Variants in SYF2 observed in about 807,000 individuals in gnomAD.
The protein encoded by SYF2 is pre-mRNA-splicing factor SYF2.
Under a neutral mutation model 32.7 loss-of-function variants are expected in SYF2, and 21 were observed. That is an observed-to-expected ratio of 0.64 (90% confidence interval 0.45 to 0.92). The LOEUF (loss-of-function observed/expected upper bound fraction) is 0.92, where lower values mean the gene tolerates loss of function less well. Among genes scored for constraint, SYF2 ranks in the 40% least tolerant of loss-of-function variants. The pLI is 0.00. For missense variants in SYF2, 278 were observed against 296.5 expected, an observed-to-expected ratio of 0.94 and a Z score of 0.46; for synonymous variants, 114 against 103.9, an observed-to-expected ratio of 1.10 and a Z score of -0.59.
rs762392310 is a variant in SYF2, at chr1:25,232,088, C to T, written c.132+16G>A. On this transcript the variant is annotated intron_variant, in intron 2 of 6. Transcript: ENST00000236273. ...GGCCAGATGACGGATCTAAGCCGGC[C>T]TCCAAGACTACTCACCCGCATCAGG... 7.4e-6 allele frequency: 12 copies of T among 1,611,800 alleles called. No individual in the cohort carries two copies. The highest frequency in any genetic ancestry group is 1.6e-4 in the Middle Eastern group (1 of 6,078).
In SYF2 at chr1:25,222,987, T is replaced by C. The variant is rs1042838727; in HGVS notation, c.*279A>G. 1 of 225,310 alleles carries C rather than the reference T, an allele frequency of 4.4e-6. No homozygotes were observed. The highest frequency in any genetic ancestry group is 8.8e-6 in the Non-Finnish European group (1 of 114,044). 14.0% of individuals were successfully genotyped at this position (225,310 alleles called of 1,614,324 possible). On this transcript the variant is annotated 3_prime_UTR_variant, in exon 7 of 7. Coordinates refer to ENST00000236273, the MANE Select transcript of SYF2 (RefSeq NM_015484.5). ...TTCAAAGATTAAACAGCCATATACA[T>C]TTAAAATACATAGAAAAATAATATA...
Position 25,225,017 on chromosome 1 carries a change from A to G in SYF2, c.551T>C (p.Ile184Thr). ...PSTEEIDRMV[I>T]DLEKQIEKRD... ...GAATACTTACTGTTTTTCCAGATCTATGACCATCCTGTCAATTTCCTCTGT... is the reference window on the plus strand; with the variant it reads ...GAATACTTACTGTTTTTCCAGATCTGTGACCATCCTGTCAATTTCCTCTGT... Residue 184 changes from isoleucine (I) to threonine (T), a missense_variant, in exon 6 of 7, where the codon ATA becomes ACA. Transcript: ENST00000236273. 1 of 1,613,488 alleles carries G rather than the reference A, an allele frequency of 6.2e-7. No individual in the cohort carries two copies.
At chr1:25,226,175 A>G (rs971096818) in intron 5 of SYF2, among the ~76,000 whole-genome samples, 21 of 151,998 alleles carry the variant, frequency 1.4e-4, no homozygotes, top group African/African-American at 4.3e-4. Flanking sequence ...AAAAATAAAA[A>G]ATAAAAAATT....
chr1:25,222,704 A>C lies in SYF2; in HGVS notation c.*562T>G, dbSNP rs1297521353. ...TTAGAAATTCTAATCCCAAGCATTT[A>C]TTGCTTTTTAAAAAGGGAACTGTAC... On this transcript the variant is annotated 3_prime_UTR_variant, in exon 7 of 7. Coordinates refer to ENST00000236273, the MANE Select transcript of SYF2 (RefSeq NM_015484.5). 1.3e-5 allele frequency: 2 copies of C among 152,230 alleles called. No homozygotes were observed. The highest frequency in any genetic ancestry group is 2.9e-5 in the Non-Finnish European group (2 of 68,048). The allele number at this position is 152,230 out of a possible 1,614,324, so 9.4% of individuals were successfully genotyped here. A position where few individuals can be genotyped will look rare whatever the true frequency, so the allele number is the denominator to read the frequency against.
At chr1:25,226,790 C>A (rs999064256) in intron 5 of SYF2, among the ~76,000 whole-genome samples, 4 of 151,860 alleles carry the variant, frequency 2.6e-5, no homozygotes, top group Non-Finnish European at 5.9e-5. Flanking sequence ...TTTGAGACAG[C>A]CTGAGCAACA....
chr1:25,226,982 TA>T (rs573395655), intron 5 of SYF2, among the ~76,000 whole-genome samples: 1,775 of 140,336 alleles, frequency 0.013, 14 homozygotes, highest in African/African-American at 0.028. Flanking sequence ...CACCGTCTCT[TA>T]AAAAAAAAAA....
rs1209307134 is a variant in SYF2 at position 25,232,455 on chromosome 1, C to T, written c.13G>A (p.Ala5Thr). The T allele has an allele frequency of 6.2e-7, 1 of 1,614,242 alleles. No individual in the cohort carries two copies. The highest frequency in any genetic ancestry group is 8.5e-7 in the Non-Finnish European group (1 of 1,180,048). The change falls in exon 1 of 7, where the codon GCT becomes ACT. Residue 5 changes from alanine to threonine, a missense_variant. By Grantham distance (58) the Ala-to-Thr change is moderately conservative. Coordinates refer to ENST00000236273, the MANE Select transcript of SYF2 (RefSeq NM_015484.5). MAAI[A>T]ASEVLVDSAE... is the part of the protein sequence containing the mutation. ...TGGGTGGAACTCACCTCGGATGCAGCTATAGCCGCCATCACAACCTTTCTC... is the reference window on the plus strand; with the variant it reads ...TGGGTGGAACTCACCTCGGATGCAGTTATAGCCGCCATCACAACCTTTCTC...
intron 2 of SYF2, 93 bp from the exon 3 acceptor site, chr1:25,229,216 T>C: frequency 6.9e-7 from 1 of 1,446,060 alleles, no homozygotes; most frequent in Non-Finnish European, 9.3e-7. Flanking sequence ...GCAGGACATA[T>C]TAATAAGCTG....
chr1:25,227,559 A>G (rs1414009141), intron 4 of SYF2, 27 bp from the exon 5 acceptor site: 3 of 1,599,986 alleles, frequency 1.9e-6, no homozygotes, highest in Non-Finnish European at 2.6e-6. Context: ...AGAATCAGCG[A>G]TAATATATTT....
At chr1:25,230,626 C>T (rs1176448726) in intron 2 of SYF2, 1 of 152,146 alleles carries the variant, frequency 6.6e-6, no homozygotes, top group Non-Finnish European at 1.5e-5. Context: ...CAAGAACATA[C>T]CTACGGTCAA....
chr1:25,227,305 G>GA, intron 5 of SYF2, 137 bp downstream of exon 5: 2 of 746,672 alleles, frequency 2.7e-6, no homozygotes, highest in Non-Finnish European at 4.2e-6. Flanking sequence ...AAAATATCCA[G>GA]AAAAAACAGA....
chr1:25,227,017 T>C (rs529004522), intron 5 of SYF2, among the ~76,000 whole-genome samples: 51 of 150,620 alleles, frequency 3.4e-4, no homozygotes, highest in Middle Eastern at 7.0e-3. Flanking sequence ...GCGCAGTAGC[T>C]CACGCCTGTA....
intron 6 of SYF2, among the ~76,000 whole-genome samples, chr1:25,224,295 G>A (rs945130408): frequency 4.6e-5 from 7 of 151,212 alleles, no homozygotes; most frequent in African/African-American, 1.2e-4. Flanking sequence ...TCGCTCTGTC[G>A]CCCAAGCTGG....
At chr1:25,232,000 C>T in intron 2 of SYF2, 104 bp downstream of exon 2, 1 of 1,123,528 alleles carries the variant, frequency 8.9e-7, no homozygotes, top group Non-Finnish European at 1.3e-6. Flanking sequence ...TGATCCTGCT[C>T]TGTTGGTCTG....
chr1:25,225,193 CACAT>C, intron 5 of SYF2, 93 bp from the exon 6 acceptor site: 1 of 830,110 alleles, frequency 1.2e-6, no homozygotes, highest in East Asian at 2.5e-5. Flanking sequence ...AGAAAGTATA[CACAT>C]ACATTTACTG....
intron 2 of SYF2, 134 bp from the exon 3 acceptor site, chr1:25,229,257 C>T (rs918760577): frequency 1.4e-5 from 15 of 1,081,434 alleles, no homozygotes; most frequent in Non-Finnish European, 1.7e-5. Flanking sequence ...CAATAGAGAG[C>T]CATCACAGGA....
chr1:25,225,546 T>A (rs942141236), intron 5 of SYF2, among the ~76,000 whole-genome samples: 1 of 151,014 alleles, frequency 6.6e-6, no homozygotes. Flanking sequence ...AAATTTTTTT[T>A]AATTAAAAGA....
At chr1:25,228,565 C>A (rs1638563487) in intron 3 of SYF2, among the ~76,000 whole-genome samples, 1 of 152,176 alleles carries the variant, frequency 6.6e-6, no homozygotes, top group Non-Finnish European at 1.5e-5. Context: ...AAATTCCTGA[C>A]CTCAAATGAT....
At position 25,230,387 on chromosome 1, in the gene SYF2, G is replaced by A. The variant is rs527868742; in HGVS notation, c.133-1264C>T. On this transcript the variant is annotated intron_variant, in intron 2 of 6. Transcript: ENST00000236273. ...AGCAAAATGAGTGTATCGTCTTAAG[G>A]AAAACTTGAGTTAGACATTCCTTAG... 8.5e-5 allele frequency: 13 copies of A among 152,092 alleles called. 1 individual carries two copies. The South Asian group carries it at 2.7e-3, about 32-fold the overall frequency. 9.4% of individuals were successfully genotyped at this position (152,092 alleles called of 1,614,324 possible). A position where few individuals can be genotyped will look rare whatever the true frequency, so the allele number is the denominator to read the frequency against.
Sources: gnomAD v4.1 joint callset for allele counts (sites outside exome capture counted in the v4.1 genomes callset) on GRCh38, gnomAD v4.1.1 for gene constraint, MANE v1.5 for transcripts, NCBI Gene and HGNC (gene_info 2026-07-23, HGNC 2026-07-21) for gene names.